DENND2B: variants seen among roughly 807,000 people sequenced by gnomAD.
The protein encoded by DENND2B is DENN domain-containing protein 2B.
Under a neutral mutation model 116.0 loss-of-function variants are expected in DENND2B, and 32 were observed. The ratio of observed to expected loss-of-function variants is 0.28; its 90% CI spans 0.21 to 0.37. The LOEUF is 0.37. Ranked by LOEUF, DENND2B falls within the 10% of genes least tolerant of loss-of-function variation. DENND2B has a pLI of 1.00. For missense variants in DENND2B, 1,276 were observed against 1,477.7 expected (o/e 0.86, Z 2.24); for synonymous variants, 588 against 583.9 (o/e 1.01, Z -0.10).
chr11:8,705,919 A>G (rs1170309141), intron 13 of DENND2B, among the ~76,000 whole-genome samples: 2 of 152,196 alleles, frequency 1.3e-5, no homozygotes, highest in African/African-American at 4.8e-5. Context: ...CACTCCGACC[A>G]TTATCTACAT....
chr11:8,802,717 AC>A (rs748250399), intron 1 of DENND2B, among the ~76,000 whole-genome samples: 8 of 152,270 alleles, frequency 5.3e-5, no homozygotes, highest in Non-Finnish European at 1.2e-4. Flanking sequence ...AGAAAAGGAA[AC>A]AGTGATGGAA....
chr11:8,910,814 TACCC>T (rs2064313793), intron 1 of DENND2B: 1 of 153,650 alleles, frequency 6.5e-6, no homozygotes, highest in African/African-American at 2.4e-5. Context: ...CCTGCCTTTA[TACCC>T]ACCAAGTTAA....
At chr11:8,907,337 C>T (rs934654565) in intron 1 of DENND2B, among the ~76,000 whole-genome samples, 4 of 152,120 alleles carry the variant, frequency 2.6e-5, no homozygotes, top group South Asian at 2.1e-4. Context: ...TTTCATTTGG[C>T]GTGGGCTATA....
At chr11:8,882,167 T>C (rs574742224) in intron 1 of DENND2B, among the ~76,000 whole-genome samples, 56 of 152,346 alleles carry the variant, frequency 3.7e-4, no homozygotes, top group Non-Finnish European at 5.6e-4. Flanking sequence ...TATCTGCACC[T>C]AGATGTTCCA....
chr11:8,813,767 A>AGTGGCAT (rs1294240103), upstream of DENND2B, among the ~76,000 whole-genome samples: 1 of 152,100 alleles, frequency 6.6e-6, no homozygotes, highest in East Asian at 1.9e-4. Context: ...TGCTCCCCCT[A>AGTGGCAT]GTGGCATGCT....
intron 3 of DENND2B, among the ~76,000 whole-genome samples, chr11:8,851,262 T>C (rs1291640695): frequency 6.6e-6 from 1 of 151,994 alleles, no homozygotes; most frequent in Non-Finnish European, 1.5e-5. Flanking sequence ...AATATATATA[T>C]ATATAAATCA....
intron 2 of DENND2B, among the ~76,000 whole-genome samples, chr11:8,862,743 C>T (rs1279617721): frequency 6.6e-6 from 1 of 152,132 alleles, no homozygotes; most frequent in Non-Finnish European, 1.5e-5. Flanking sequence ...TGATAAGCCG[C>T]AGAAAATAAC....
intron 7 of DENND2B, 127 bp downstream of exon 7, chr11:8,714,483 C>T: frequency 1.3e-6 from 1 of 761,364 alleles, no homozygotes; most frequent in South Asian, 1.8e-5. Context: ...TCTTCCCTGT[C>T]TGCTCCTCCC....
At chr11:8,834,620 T>C (rs2062347524) in intron 4 of DENND2B, among the ~76,000 whole-genome samples, 1 of 152,190 alleles carries the variant, frequency 6.6e-6, no homozygotes, top group South Asian at 2.1e-4. Context: ...AAAACAGACC[T>C]AGCTTTCCTG....
chr11:8,694,940 T>C (rs2040090061), intron 19 of DENND2B, among the ~76,000 whole-genome samples: 1 of 152,114 alleles, frequency 6.6e-6, no homozygotes, highest in Non-Finnish European at 1.5e-5. Flanking sequence ...CATATGCCTG[T>C]AGTCCCAGCT....
intron 14 of DENND2B, chr11:8,700,004 C>T (rs1228449652): frequency 4.4e-6 from 2 of 456,274 alleles, no homozygotes; most frequent in Admixed American, 2.3e-5. Context: ...GGAATGTGCT[C>T]AGAGGCAGCT....
chr11:8,694,921 G>A (rs1482725217), intron 19 of DENND2B, among the ~76,000 whole-genome samples: 1 of 152,150 alleles, frequency 6.6e-6, no homozygotes, highest in African/African-American at 2.4e-5. Context: ...AAATAGCCAG[G>A]TGTAATGGCA....
At chr11:8,798,061 C>T (rs1016273236) in intron 1 of DENND2B, among the ~76,000 whole-genome samples, 3 of 152,130 alleles carry the variant, frequency 2.0e-5, no homozygotes, top group Admixed American at 6.5e-5. Context: ...CCTCTCAGGT[C>T]CCTGTTACTC....
chr11:8,754,291 T>C (rs1051171737), intron 1 of DENND2B, among the ~76,000 whole-genome samples: 5 of 152,176 alleles, frequency 3.3e-5, no homozygotes, highest in African/African-American at 1.2e-4. Context: ...TCCAAAGGTA[T>C]AAACTTGGCC....
At position 8,860,613 on chromosome 11, in the gene DENND2B, A is replaced by G. The variant is rs138251328; in HGVS notation, c.-249-3177T>C. On this transcript the variant is annotated intron_variant, in intron 2 of 6. Transcript: ENST00000524757. ...GAATCAATATCATGAAAATGAGCAT[A>G]CTACCCAAAGCAATCTACAGATTCA... Among the ~76,000 whole-genome samples the G allele has an allele frequency of 1.8e-3, 276 of 152,328 alleles. 1 individual carries two copies. The highest frequency in any genetic ancestry group is 6.3e-3 in the African/African-American group (263 of 41,568).
intron 5 of DENND2B, 54 bp downstream of exon 5, chr11:8,717,687 C>G: frequency 6.8e-7 from 1 of 1,479,716 alleles, no homozygotes; most frequent in Non-Finnish European, 9.0e-7. Flanking sequence ...GAAGAGCAGG[C>G]CCCCACTGTG....
At chr11:8,766,159 G>A (rs904206272) in intron 1 of DENND2B, among the ~76,000 whole-genome samples, 3 of 152,138 alleles carry the variant, frequency 2.0e-5, no homozygotes, top group African/African-American at 7.2e-5. Context: ...TCTGCAGCAG[G>A]TGTTTTTAAG....
intron 4 of DENND2B, among the ~76,000 whole-genome samples, chr11:8,834,728 A>C (rs2062352826): frequency 6.6e-6 from 1 of 152,204 alleles, no homozygotes; most frequent in South Asian, 2.1e-4. Context: ...CAGGGGCCAG[A>C]GGGTGAACAG....
chr11:8,807,427 C>A (rs1179778626), intron 1 of DENND2B, among the ~76,000 whole-genome samples: 1 of 152,130 alleles, frequency 6.6e-6, no homozygotes, highest in Non-Finnish European at 1.5e-5. Flanking sequence ...ACCAGTGGGG[C>A]CATGATACTT....
Sources: allele counts gnomAD v4.1 joint callset (sites outside exome capture counted in the v4.1 genomes callset), GRCh38; gene constraint gnomAD v4.1.1; transcripts MANE v1.5; gene names NCBI Gene and HGNC (gene_info 2026-07-23, HGNC 2026-07-21).